CLMN: variants seen among roughly 807,000 people sequenced by gnomAD.
CLMN encodes calmin (calponin-like, transmembrane).
In CLMN, 57 loss-of-function variants were observed where a neutral mutation model predicts 92.7. That is an observed-to-expected ratio of 0.61 (90% confidence interval 0.50 to 0.77). The LOEUF is 0.77. CLMN is among the 30% of genes least tolerant of loss of function. The probability of loss-of-function intolerance (pLI) is 0.00; values close to 1 mark genes in which losing one functional copy is unlikely to be tolerated. For synonymous variants in CLMN, 466 were observed against 470.6 expected, an observed-to-expected ratio of 0.99 and a Z score of 0.13; for missense variants, 1,158 against 1,237.5, an observed-to-expected ratio of 0.94 and a Z score of 0.96.
rs1157341420 is a variant in CLMN at position 95,185,095 on chromosome 14, GA to G, written c.*6468del. The G allele has an allele frequency of 1.3e-5, 2 of 152,166 alleles. No individual in the cohort carries two copies. Among genetic ancestry groups the G allele is most frequent in the Non-Finnish European group, 2.9e-5 (2 of 68,068 alleles). The allele number at this position is 152,166 out of a possible 1,614,324, so 9.4% of individuals were successfully genotyped here. ...TACTCCAGCCTCGGTGACAGAGTAA[GA>G]TGCTGTCTCTTAAAAAAAAAATCAG... On this transcript the variant is annotated 3_prime_UTR_variant, in exon 13 of 13. Coordinates refer to ENST00000298912, the MANE Select transcript of CLMN (RefSeq NM_024734.4).
In CLMN at chr14:95,187,795, G is replaced by T. The variant is rs1400182241; in HGVS notation, c.*3769C>A. On this transcript the variant is annotated 3_prime_UTR_variant, in exon 13 of 13. Coordinates refer to ENST00000298912, the MANE Select transcript of CLMN (RefSeq NM_024734.4). ...TTGCACAGAGGCACTTGGCTAAAGA[G>T]GGCAATTAGGAGTTAAAATCTAGCC... is the stretch of plus-strand genomic sequence containing the variant. 1 of 152,254 alleles carries T rather than the reference G, an allele frequency of 6.6e-6. No individual in the cohort carries two copies. Among genetic ancestry groups the T allele is most frequent in the Non-Finnish European group, 1.5e-5 (1 of 68,050 alleles). The allele number at this position is 152,254 out of a possible 1,614,324, so 9.4% of individuals were successfully genotyped here.
intron 1 of CLMN, among the ~76,000 whole-genome samples, chr14:95,242,298 G>A (rs1382732853): frequency 6.2e-5 from 7 of 112,606 alleles, no homozygotes; most frequent in Non-Finnish European, 1.2e-4. Context: ...AGGCTCTGTT[G>A]CCCAGGCTGG....
At chr14:95,230,242 G>T in intron 1 of CLMN, 109 bp from the exon 2 acceptor site, 2 of 994,962 alleles carry the variant, frequency 2.0e-6, no homozygotes, top group Non-Finnish European at 3.2e-6. Flanking sequence ...GAACCCCAGG[G>T]TGTCCCATGT....
At chr14:95,274,366 A>C (rs1899839882) in intron 1 of CLMN, among the ~76,000 whole-genome samples, 1 of 152,142 alleles carries the variant, frequency 6.6e-6, no homozygotes, top group Non-Finnish European at 1.5e-5. Context: ...TAGCACACGA[A>C]GTCAGGAGGT....
At chr14:95,223,723 A>G in intron 3 of CLMN, 37 bp downstream of exon 3, 1 of 1,508,514 alleles carries the variant, frequency 6.6e-7, no homozygotes, top group Non-Finnish European at 9.1e-7. Context: ...TTTCCTTTGC[A>G]TTTTCTTTCT....
chr14:95,213,563 G>A (rs994798929), intron 5 of CLMN, among the ~76,000 whole-genome samples, 154 bp from the exon 6 acceptor site: 3 of 152,100 alleles, frequency 2.0e-5, no homozygotes, highest in Non-Finnish European at 4.4e-5. Flanking sequence ...GATGGCTGTG[G>A]CAGGGGACAG....
At chr14:95,249,742 C>T (rs112603974) in intron 1 of CLMN, among the ~76,000 whole-genome samples, 12,768 of 152,172 alleles carry the variant, frequency 0.084, 543 homozygotes, top group South Asian at 0.094. Context: ...CAGGCGTGCA[C>T]CATCACACCC....
chr14:95,240,964 G>A (rs1898221687), intron 1 of CLMN, among the ~76,000 whole-genome samples: 1 of 152,124 alleles, frequency 6.6e-6, no homozygotes, highest in Non-Finnish European at 1.5e-5. Context: ...TCTGTTTCAT[G>A]CCTGGATTGG....
chr14:95,198,206 C>T (rs1232207234), intron 9 of CLMN, among the ~76,000 whole-genome samples: 1 of 151,624 alleles, frequency 6.6e-6, no homozygotes. Context: ...CCTGCCACCA[C>T]GCCTGGCTAA....
At chr14:95,242,588 C>A (rs1390846866) in intron 1 of CLMN, among the ~76,000 whole-genome samples, 2 of 102,350 alleles carry the variant, frequency 2.0e-5, no homozygotes, top group Admixed American at 1.7e-4. Context: ...TTTTTTGAGA[C>A]GGAGTCTCGC....
At chr14:95,239,530 T>G (rs1247524652) in intron 1 of CLMN, among the ~76,000 whole-genome samples, 6 of 152,338 alleles carry the variant, frequency 3.9e-5, no homozygotes, top group African/African-American at 1.4e-4. Flanking sequence ...CCAATGTTTT[T>G]GTGAAAGTGT....
At chr14:95,296,055 G>A (rs550562205) in intron 1 of CLMN, 19 of 152,340 alleles carry the variant, frequency 1.2e-4, no homozygotes, top group Admixed American at 2.0e-4. Flanking sequence ...GGGAAAATGC[G>A]TTGTCTTAGT....
chr14:95,211,720 G>A (rs1375634367), intron 6 of CLMN, among the ~76,000 whole-genome samples: 1 of 150,664 alleles, frequency 6.6e-6, no homozygotes, highest in East Asian at 2.0e-4. Context: ...CCCAAAAGAA[G>A]TTGAAACACA....
intron 1 of CLMN, among the ~76,000 whole-genome samples, chr14:95,308,454 C>A (rs1901380549): frequency 6.6e-6 from 1 of 152,198 alleles, no homozygotes; most frequent in African/African-American, 2.4e-5. Flanking sequence ...ACTACCCAGC[C>A]CCTGACTGAC....
rs1361028635 is a variant in CLMN, at chr14:95,204,066, A to C, written c.1283T>G (p.Phe428Cys). The C allele has an allele frequency of 6.2e-7, 1 of 1,614,090 alleles. No homozygotes were observed. Among genetic ancestry groups the C allele is most frequent in the African/African-American group, 1.3e-5 (1 of 74,902 alleles). ...NSLPIKKTVHFEADTYKDPFC... is the reference protein window; with the variant it reads ...NSLPIKKTVHCEADTYKDPFC... Reference sequence around the variant, plus strand: ...AGGATCCTTGTAGGTGTCAGCCTCAAAGTGAACTGTTTTCTTGATCGGCAA... The same window carrying C: ...AGGATCCTTGTAGGTGTCAGCCTCACAGTGAACTGTTTTCTTGATCGGCAA... The change falls in exon 9 of 13, where the codon TTT (phenylalanine) becomes TGT (cysteine). Residue 428 changes from phenylalanine to cysteine, a missense_variant. Transcript: ENST00000298912.
At chr14:95,206,109 A>G (rs1897040075) in intron 8 of CLMN, among the ~76,000 whole-genome samples, 1 of 152,246 alleles carries the variant, frequency 6.6e-6, no homozygotes, top group Admixed American at 6.5e-5. Flanking sequence ...GTTATGACAC[A>G]AGCACTAATC....
chr14:95,285,064 T>C (rs1470433412), intron 1 of CLMN, among the ~76,000 whole-genome samples: 2 of 152,190 alleles, frequency 1.3e-5, no homozygotes, highest in African/African-American at 4.8e-5. Flanking sequence ...CTCATGCTAT[T>C]CTCATGGTAA....
At position 95,215,665 on chromosome 14, in the gene CLMN, T is replaced by G. The variant is rs767403582; in HGVS notation, c.393A>C (p.Ile131=). The change falls in exon 5 of 13, where the codon ATA becomes ATC. Residue 131 remains isoleucine, a synonymous_variant. Transcript: ENST00000298912. ...CCTGGAAGAAGAGGATTATGTTCCA[T>G]ATCAGCCCAAGAACCAAAGAAGGGT... ...DGNPSLVLGL[I]WNIILFFQIK... is the part of the protein sequence containing the mutation. The G allele has an allele frequency of 1.9e-6, 3 of 1,614,114 alleles. No individual in the cohort carries two copies. The highest frequency in any genetic ancestry group is 2.5e-6 in the Non-Finnish European group (3 of 1,179,946).
At chr14:95,217,539 TTC>T (rs1897389275) in intron 4 of CLMN, among the ~76,000 whole-genome samples, 1 of 152,192 alleles carries the variant, frequency 6.6e-6, no homozygotes, top group African/African-American at 2.4e-5. Context: ...GTTGATCGGA[TTC>T]AGGTTCAGTA....
Sources: gnomAD v4.1 joint callset for allele counts (sites outside exome capture counted in the v4.1 genomes callset) on GRCh38, gnomAD v4.1.1 for gene constraint, MANE v1.5 for transcripts, NCBI Gene and HGNC (gene_info 2026-07-23, HGNC 2026-07-21) for gene names.